ZNF738: variants seen among roughly 807,000 people sequenced by gnomAD.
ZNF738 encodes protein ZNF738.
A neutral mutation model predicts 9.2 loss-of-function variants in ZNF738; 10 were observed. The observed-to-expected ratio is 1.09, with a 90% CI of 0.67 to 1.85. The LOEUF is 1.85. ZNF738 is among the 40% of genes most tolerant of loss of function. ZNF738 has a pLI of 0.00. For synonymous variants in ZNF738, 113 were observed against 94.5 expected, an observed-to-expected ratio of 1.20 and a Z score of -1.14; for missense variants, 346 against 283.6, an observed-to-expected ratio of 1.22 and a Z score of -1.58.
chr19:21,377,518 A>C, intron 4 of ZNF738: 1 of 569,794 alleles, frequency 1.8e-6, no homozygotes, highest in Non-Finnish European at 3.1e-6. Flanking sequence ...ACGTGCACAC[A>C]CACACACACA....
Position 21,386,584 on chromosome 19 carries a change from A to G in ZNF738, c.*2910A>G. On this transcript the variant is annotated 3_prime_UTR_variant, in exon 5 of 5. Transcript: ENST00000683779. ...ATAATTCATACAGGAGAGAAACACTACAAATGTGAGGAATGTGACAAAGCC... is the reference window on the plus strand; with the variant it reads ...ATAATTCATACAGGAGAGAAACACTGCAAATGTGAGGAATGTGACAAAGCC... The G allele has an allele frequency of 3.1e-6, 1 of 324,756 alleles. No homozygotes were observed. 20.1% of individuals were successfully genotyped at this position (324,756 alleles called of 1,614,324 possible). A position where few individuals can be genotyped will look rare whatever the true frequency, so the allele number is the denominator to read the frequency against.
At position 21,361,824 on chromosome 19, in the gene ZNF738, A is replaced by G; in HGVS notation, c.62A>G (p.Glu21Gly). ...GGGGCAAGTGGATACCCTGGGGCTG[A>G]GAGGAATCTTCTGGAGTACTCTTAT... Reference protein sequence around the residue: ...VKGASGYPGAERNLLEYSYFE... With the variant: ...VKGASGYPGAGRNLLEYSYFE... Residue 21 changes from glutamate (E) to glycine (G), a missense_variant, in exon 2 of 5, where the codon GAG becomes GGG. By Grantham distance (98) the Glu-to-Gly change is moderately conservative (BLOSUM62 -2). Coordinates refer to ENST00000683779, the MANE Select transcript of ZNF738 (RefSeq NM_001355237.2). 1.3e-6 allele frequency: 1 copy of G among 780,784 alleles called. No individual in the cohort carries two copies. The highest frequency in any genetic ancestry group is 1.3e-5 in the South Asian group (1 of 74,616). The allele number at this position is 780,784 out of a possible 1,614,324, so 48.4% of individuals were successfully genotyped here.
intron 4 of ZNF738, among the ~76,000 whole-genome samples, chr19:21,376,810 C>T (rs1973934350): frequency 6.7e-6 from 1 of 149,706 alleles, no homozygotes; most frequent in South Asian, 2.3e-4. Context: ...AGGCGTGAGC[C>T]ACTACACCCA....
chr19:21,386,501 A>C lies in ZNF738; in HGVS notation c.*2827A>C. On this transcript the variant is annotated 3_prime_UTR_variant, in exon 5 of 5. Transcript: ENST00000683779. ...ATAATTCATACTGGAGAGAAACCTC[A>C]CAACTGTGAAGAATGTGGCAAAGCT... 1 of 377,584 alleles carries C rather than the reference A, an allele frequency of 2.6e-6. No homozygotes were observed. The highest frequency in any genetic ancestry group is 5.4e-6 in the Non-Finnish European group (1 of 185,268). The allele number at this position is 377,584 out of a possible 1,614,324, so 23.4% of individuals were successfully genotyped here. A position where few individuals can be genotyped will look rare whatever the true frequency, so the allele number is the denominator to read the frequency against.
intron 4 of ZNF738, among the ~76,000 whole-genome samples, chr19:21,379,698 T>A (rs573235486): frequency 1.4e-4 from 22 of 152,294 alleles, no homozygotes; most frequent in African/African-American, 5.1e-4. Context: ...TTGTGTTTTT[T>A]AAATTTTTTT....
intron 2 of ZNF738, among the ~76,000 whole-genome samples, chr19:21,367,648 C>T (rs1303570103): frequency 1.3e-5 from 2 of 152,134 alleles, no homozygotes; most frequent in Admixed American, 1.3e-4. Flanking sequence ...GACTGTCATA[C>T]TGCCCATTGT....
chr19:21,362,518 C>T (rs898832865), intron 2 of ZNF738, among the ~76,000 whole-genome samples: 9 of 152,198 alleles, frequency 5.9e-5, no homozygotes, highest in Middle Eastern at 3.4e-3. Flanking sequence ...GATTGAATGG[C>T]CTGACTTGAA....
chr19:21,376,618 T>C (rs1973931987), intron 4 of ZNF738, among the ~76,000 whole-genome samples: 1 of 152,184 alleles, frequency 6.6e-6, no homozygotes, highest in African/African-American at 2.4e-5. Context: ...AAAGGCGCCA[T>C]CTTGGCTCAT....
At chr19:21,362,471 A>C (rs994465041) in intron 2 of ZNF738, among the ~76,000 whole-genome samples, 2 of 152,210 alleles carry the variant, frequency 1.3e-5, no homozygotes, top group East Asian at 3.8e-4. Flanking sequence ...TCTTGAGCAC[A>C]TAAGTGAGCA....
Position 21,378,149 on chromosome 19 carries a change from G to A in ZNF738, c.319+2185G>A, listed in dbSNP as rs947533614. 5 of 388,910 alleles carry A rather than the reference G, an allele frequency of 1.3e-5. No homozygotes were observed. The Admixed American group carries it at 1.3e-4, about 10-fold the overall frequency. 24.1% of individuals were successfully genotyped at this position (388,910 alleles called of 1,614,324 possible). The stretch of plus-strand genomic sequence containing the variant: ...ATATGTTCTCAGATTTGTTCTTGAT[G>A]TTGCTAATTATATTTTTATATGTAT... On this transcript the variant is annotated intron_variant, in intron 4 of 4. Transcript: ENST00000683779.
In ZNF738 at chr19:21,383,927, T is replaced by C; in HGVS notation, c.*253T>C. ...AGAAACCCTACAAATGTGAAGAATG[T>C]GGCAAAGCTTTTAACTGTTACTCCT... On this transcript the variant is annotated 3_prime_UTR_variant, in exon 5 of 5. Coordinates refer to ENST00000683779, the MANE Select transcript of ZNF738 (RefSeq NM_001355237.2). 1 of 1,443,226 alleles carries C rather than the reference T, an allele frequency of 6.9e-7. No individual in the cohort carries two copies. Among genetic ancestry groups the C allele is most frequent in the Admixed American group, 1.7e-5 (1 of 59,032 alleles). 89.4% of individuals were successfully genotyped at this position (1,443,226 alleles called of 1,614,324 possible).
In ZNF738 at chr19:21,361,660, G is replaced by A. The variant is rs12982162; in HGVS notation, c.4-106G>A. 0.55 allele frequency: 383,750 copies of A among 701,960 alleles called. 106,267 individuals are homozygous for A. The highest frequency in any genetic ancestry group is 0.68 in the Middle Eastern group (2,693 of 3,960). 43.5% of individuals were successfully genotyped at this position (701,960 alleles called of 1,614,324 possible). On this transcript the variant is annotated intron_variant, in intron 1 of 4. Coordinates refer to ENST00000683779, the MANE Select transcript of ZNF738 (RefSeq NM_001355237.2). ...CTCAGCCACCGTTTAGTTTTTTCCC[G>A]GTCCTGGGTTTCAGTATTATCTGGG...
chr19:21,383,286 T>C lies in ZNF738; in HGVS notation c.740T>C (p.Leu247Pro), dbSNP rs1974027915. 1.3e-6 allele frequency: 2 copies of C among 1,562,914 alleles called. No individual in the cohort carries two copies. The highest frequency in any genetic ancestry group is 1.8e-6 in the Non-Finnish European group (2 of 1,141,172). Residue 247 changes from leucine (L) to proline (P), a missense_variant, in exon 5 of 5, where the codon CTT becomes CCT. Leu to Pro is a moderately conservative substitution (Grantham distance 98, BLOSUM62 -3). Coordinates refer to ENST00000683779, the MANE Select transcript of ZNF738 (RefSeq NM_001355237.2). ...AAAGCCTTTAAATGGTTCTCAACCC[T>C]TACTAGACACAAGAGAATTCATACT... ...CGKAFKWFST[L>P]TRHKRIHTGD... is the part of the protein sequence containing the mutation.
intron 4 of ZNF738, among the ~76,000 whole-genome samples, chr19:21,377,052 A>G (rs1973936732): frequency 6.6e-6 from 1 of 150,854 alleles, no homozygotes; most frequent in African/African-American, 2.4e-5. Context: ...TCATGCCTGT[A>G]ATCCCAACAC....
At position 21,383,954 on chromosome 19, in the gene ZNF738, C is replaced by T. The variant is rs1410733635; in HGVS notation, c.*280C>T. ...GCAAAGCTTTTAACTGTTACTCCTA[C>T]CTTACTGCACATAAGTTGATTCATA... On this transcript the variant is annotated 3_prime_UTR_variant, in exon 5 of 5. Coordinates refer to ENST00000683779, the MANE Select transcript of ZNF738 (RefSeq NM_001355237.2). 7.0e-7 allele frequency: 1 copy of T among 1,430,494 alleles called. No individual in the cohort carries two copies. Among genetic ancestry groups the T allele is most frequent in the African/African-American group, 1.4e-5 (1 of 71,122 alleles). 88.6% of individuals were successfully genotyped at this position (1,430,494 alleles called of 1,614,324 possible).
At chr19:21,365,019 A>G (rs926819022) in intron 2 of ZNF738, among the ~76,000 whole-genome samples, 3 of 149,844 alleles carry the variant, frequency 2.0e-5, no homozygotes, top group Admixed American at 6.7e-5. Flanking sequence ...TGGCCTCCCA[A>G]AGTGCTGGGA....
chr19:21,380,928 G>T (rs1188828625), intron 4 of ZNF738, among the ~76,000 whole-genome samples: 1 of 152,108 alleles, frequency 6.6e-6, no homozygotes, highest in East Asian at 1.9e-4. Flanking sequence ...TCAGGAAATG[G>T]ATAAACAGGT....
At chr19:21,377,315 A>C in intron 4 of ZNF738, 2 of 558,528 alleles carry the variant, frequency 3.6e-6, no homozygotes, top group Non-Finnish European at 6.3e-6. Flanking sequence ...TAAAAAAAAA[A>C]AAAATTGTAT....
intron 2 of ZNF738, among the ~76,000 whole-genome samples, chr19:21,374,140 G>A (rs1281778097): frequency 6.6e-6 from 1 of 152,142 alleles, no homozygotes; most frequent in Non-Finnish European, 1.5e-5. Context: ...TAAGGATGGA[G>A]AACATGTAAT....
Sources: gnomAD v4.1 joint callset for allele counts (sites outside exome capture counted in the v4.1 genomes callset) on GRCh38, gnomAD v4.1.1 for gene constraint, MANE v1.5 for transcripts, NCBI Gene and HGNC (gene_info 2026-07-23, HGNC 2026-07-21) for gene names.